Variants in PSTPIP1 observed in about 807,000 individuals in gnomAD.
The protein encoded by PSTPIP1 is proline-serine-threonine phosphatase interacting protein 1, also known as proline-serine-threonine phosphatase-interacting protein 1.
In PSTPIP1, 66 loss-of-function variants were observed where a neutral mutation model predicts 69.6. The observed-to-expected ratio is 0.95, with a 90% confidence interval of 0.78 to 1.16. The LOEUF is 1.16. PSTPIP1 is among the 50% of genes most tolerant of loss of function. The pLI is 0.00. For synonymous variants in PSTPIP1, 266 were observed against 222.7 expected (o/e 1.19, Z -1.73); for missense variants, 603 against 557.4 (o/e 1.08, Z -0.82).
chr15:77,016,144 G>A (rs563204466), intron 1 of PSTPIP1: 21 of 440,472 alleles, frequency 4.8e-5, no homozygotes, highest in South Asian at 2.1e-4. Context: ...CTGAGAGTCC[G>A]GATTCTTGTC....
chr15:77,025,135 G>A lies in PSTPIP1; in HGVS notation c.213-149G>A, dbSNP rs1319918967. 8.4e-6 allele frequency: 7 copies of A among 835,256 alleles called. No homozygotes were observed. The Admixed American group carries it at 1.6e-4, about 19-fold the overall frequency. 51.7% of individuals were successfully genotyped at this position (835,256 alleles called of 1,614,324 possible). On this transcript the variant is annotated intron_variant, in intron 3 of 14. Transcript: ENST00000558012. ...GGGCCCCAGTGGATGGTCACCATCT[G>A]GCTAAAGGGTCCCTTGGTTCTAGAG...
intron 1 of PSTPIP1, among the ~76,000 whole-genome samples, chr15:77,014,029 G>A (rs959967150): frequency 3.9e-5 from 6 of 152,120 alleles, no homozygotes; most frequent in East Asian, 1.9e-4. Context: ...GGGAGGGCTC[G>A]GGGAGCTGCT....
At position 77,028,656 on chromosome 15, in the gene PSTPIP1, C is replaced by A. The variant is rs752232834; in HGVS notation, c.516+4C>A. On this transcript the variant is annotated splice_donor_region_variant and intron_variant, in intron 7 of 14. Transcript: ENST00000558012. ...CCACCAGAAGCAGGTGGAGAAGGTGCGCTGGGCTGCTGGGCCGTGTGGGTC... is the reference window on the plus strand; with the variant it reads ...CCACCAGAAGCAGGTGGAGAAGGTGAGCTGGGCTGCTGGGCCGTGTGGGTC... 53 of 1,554,940 alleles carry A rather than the reference C, an allele frequency of 3.4e-5. No homozygotes were observed. Among genetic ancestry groups the A allele is most frequent in the Non-Finnish European group, 4.5e-5 (52 of 1,149,420 alleles).
intron 10 of PSTPIP1, chr15:77,031,809 CG>C (rs2076424688): frequency 1.1e-5 from 2 of 175,788 alleles, no homozygotes; most frequent in South Asian, 2.4e-4. Flanking sequence ...ACGGCTCTCC[CG>C]GGCAGCCCTG....
intron 9 of PSTPIP1, among the ~76,000 whole-genome samples, 158 bp downstream of exon 9, chr15:77,030,739 C>T (rs945305956): frequency 3.2e-4 from 49 of 152,234 alleles, no homozygotes; most frequent in African/African-American, 1.1e-3. Context: ...TGTGCTGGGC[C>T]CTGGCCCTGT....
rs888402524 is a variant in PSTPIP1 at position 77,018,675 on chromosome 15, G to T, written c.212+144G>T. ...GATTGCTCCTTGGTGCCTGGTTATT[G>T]GGCATTCAGGGTGAGGCCAGGTTCT... is the stretch of plus-strand genomic sequence containing the variant. On this transcript the variant is annotated intron_variant, in intron 3 of 14. Coordinates refer to ENST00000558012, the MANE Select transcript of PSTPIP1 (RefSeq NM_003978.5). The T allele has an allele frequency of 1.0e-5, 9 of 876,904 alleles. No individual in the cohort carries two copies. In the East Asian group the frequency reaches 2.4e-4, roughly 24 times the overall value. 54.3% of individuals were successfully genotyped at this position (876,904 alleles called of 1,614,324 possible). A position where few individuals can be genotyped will look rare whatever the true frequency, so the allele number is the denominator to read the frequency against.
chr15:77,035,870 G>C lies in PSTPIP1; in HGVS notation c.1054G>C (p.Glu352Gln). The C allele has an allele frequency of 1.9e-6, 3 of 1,610,690 alleles. No homozygotes were observed. The highest frequency in any genetic ancestry group is 2.5e-6 in the Non-Finnish European group (3 of 1,179,640). The change falls in exon 14 of 15, where the codon GAG (glutamate) becomes CAG (glutamine). Residue 352 changes from glutamate to glutamine, a missense_variant. Coordinates refer to ENST00000558012, the MANE Select transcript of PSTPIP1 (RefSeq NM_003978.5). Reference protein sequence around the residue: ...EGVYTAIAVQEIQGNPASPAQ... With the variant: ...EGVYTAIAVQQIQGNPASPAQ... Reference sequence around the variant, plus strand: ...TGTCTACACAGCCATCGCAGTGCAGGAGATACAGGGAAACCCGGCCTCACC... The same window carrying C: ...TGTCTACACAGCCATCGCAGTGCAGCAGATACAGGGAAACCCGGCCTCACC...
At chr15:77,011,032 A>T (rs558378599) in intron 1 of PSTPIP1, among the ~76,000 whole-genome samples, 8 of 152,096 alleles carry the variant, frequency 5.3e-5, no homozygotes, top group Non-Finnish European at 1.2e-4. Context: ...GAAGGAGGGG[A>T]AGCAGGCGGG....
At chr15:77,000,333 G>A (rs930305823) in intron 1 of PSTPIP1, among the ~76,000 whole-genome samples, 8 of 152,052 alleles carry the variant, frequency 5.3e-5, no homozygotes, top group Non-Finnish European at 8.8e-5. Flanking sequence ...AGGGGACTGA[G>A]GGGCCCTACT....
At position 77,001,195 on chromosome 15, in the gene PSTPIP1, C is replaced by T. The variant is rs191956210; in HGVS notation, c.36+5586C>T. ...AGTGACACCATGGGTAGATCTTTGA[C>T]TATAAAGGTTTTTCACTTGGGGATT... On this transcript the variant is annotated intron_variant, in intron 1 of 14. Transcript: ENST00000558012. Among the ~76,000 whole-genome samples the T allele has an allele frequency of 2.8e-3, 423 of 151,958 alleles. 1 individual carries two copies. The highest frequency in any genetic ancestry group is 9.9e-3 in the African/African-American group (411 of 41,388).
intron 11 of PSTPIP1, 178 bp downstream of exon 11, chr15:77,032,572 C>G (rs2076447507): frequency 4.5e-6 from 3 of 673,012 alleles, no homozygotes; most frequent in African/African-American, 1.8e-5. Flanking sequence ...TCCTCTCAGG[C>G]AAAGCTAAGG....
At chr15:77,016,783 C>A (rs770223833) in intron 1 of PSTPIP1, among the ~76,000 whole-genome samples, 1 of 152,158 alleles carries the variant, frequency 6.6e-6, no homozygotes, top group Non-Finnish European at 1.5e-5. Flanking sequence ...CTTCTCCTTC[C>A]AGCACCTGAC....
intron 5 of PSTPIP1, 41 bp downstream of exon 5, chr15:77,025,645 G>C (rs934176668): frequency 6.7e-7 from 1 of 1,494,840 alleles, no homozygotes; most frequent in Non-Finnish European, 9.1e-7. Flanking sequence ...CTCCCCCATT[G>C]CCAGCCTCTC....
At chr15:77,007,415 C>T (rs998987714) in intron 1 of PSTPIP1, among the ~76,000 whole-genome samples, 1 of 152,066 alleles carries the variant, frequency 6.6e-6, no homozygotes, top group Non-Finnish European at 1.5e-5. Context: ...CAAGACTAGC[C>T]TAGGAAGCAT....
In PSTPIP1 at chr15:76,995,509, G is replaced by A. The variant is rs771119941; in HGVS notation, c.-65G>A. The A allele has an allele frequency of 1.6e-5, 26 of 1,612,606 alleles. No individual in the cohort carries two copies. The Admixed American group carries it at 1.8e-4, about 11-fold the overall frequency. ...CCAGGACTGGGACGCTGCTGCTGGC[G>A]CCTGGCCCTCCATCAGGCCAGCCTG... On this transcript the variant is annotated 5_prime_UTR_variant, in exon 1 of 15. Coordinates refer to ENST00000558012, the MANE Select transcript of PSTPIP1 (RefSeq NM_003978.5).
rs192034642 is a variant in PSTPIP1 at position 77,022,993 on chromosome 15, G to T, written c.213-2291G>T. ...CATCACTGTCAAGACTGTCCCAGGG[G>T]TGGGACAGAGGCTGAATGTCCACCT... is the stretch of plus-strand genomic sequence containing the variant. On this transcript the variant is annotated intron_variant, in intron 3 of 14. Transcript: ENST00000558012. Among the ~76,000 whole-genome samples, 284 of 152,352 alleles carry T rather than the reference G, an allele frequency of 1.9e-3. 1 individual carries two copies. The highest frequency in any genetic ancestry group is 6.4e-3 in the African/African-American group (266 of 41,590).
In PSTPIP1 at chr15:76,996,090, G is replaced by A. The variant is rs113031269; in HGVS notation, c.36+481G>A. ...CCAACTAAAGCATTGGATCAGCAAG[G>A]GGATCCAAGGCACTAAAGCCCCCAG... On this transcript the variant is annotated intron_variant, in intron 1 of 14. Transcript: ENST00000558012. 3.3e-3 allele frequency among the ~76,000 whole-genome samples: 496 copies of A among 152,272 alleles called. 1 individual carries two copies. The highest frequency in any genetic ancestry group is 5.9e-3 in the Non-Finnish European group (403 of 68,006).
intron 1 of PSTPIP1, among the ~76,000 whole-genome samples, chr15:77,001,818 C>T (rs1327205146): frequency 2.6e-5 from 4 of 152,082 alleles, no homozygotes; most frequent in Admixed American, 2.0e-4. Context: ...AATCTGTGGA[C>T]GGATGCACAG....
At chr15:77,016,063 C>T (rs372074951) in intron 1 of PSTPIP1, 17 of 456,168 alleles carry the variant, frequency 3.7e-5, no homozygotes, top group East Asian at 7.0e-5. Flanking sequence ...GTTCCCTTGG[C>T]GTCAGGGCTG....
Sources: gnomAD v4.1 joint callset for allele counts (sites outside exome capture counted in the v4.1 genomes callset) on GRCh38, gnomAD v4.1.1 for gene constraint, MANE v1.5 for transcripts, NCBI Gene and HGNC (gene_info 2026-07-23, HGNC 2026-07-21) for gene names.